Variants in STAMBPL1 observed in about 807,000 individuals in gnomAD.
STAMBPL1 encodes the protein AMSH-like protease.
Under a neutral mutation model 52.9 loss-of-function variants are expected in STAMBPL1, and 44 were observed. The ratio of observed to expected loss-of-function variants is 0.83; its 90% confidence interval spans 0.65 to 1.07. The LOEUF is 1.07. STAMBPL1 is among the 50% of genes least tolerant of loss of function. STAMBPL1 has a pLI of 0.00. For synonymous variants in STAMBPL1, 164 were observed against 177.3 expected (o/e 0.92, Z 0.60); for missense variants, 511 against 520.8 (o/e 0.98, Z 0.18).
At chr10:88,895,158 A>G (rs533052750) in intron 1 of STAMBPL1, among the ~76,000 whole-genome samples, 4 of 152,356 alleles carry the variant, frequency 2.6e-5, no homozygotes, top group African/African-American at 9.6e-5. Flanking sequence ...CTAGGTTGCA[A>G]AATGGCTGCT....
intron 3 of STAMBPL1, 47 bp from the exon 4 acceptor site, chr10:88,908,654 GA>G: frequency 6.8e-7 from 1 of 1,467,230 alleles, no homozygotes; most frequent in Non-Finnish European, 9.4e-7. Flanking sequence ...AAGCATTATT[GA>G]ACTTTTGCTG....
At chr10:88,892,176 A>C (rs1334406168) in intron 1 of STAMBPL1, among the ~76,000 whole-genome samples, 4 of 152,190 alleles carry the variant, frequency 2.6e-5, no homozygotes, top group Non-Finnish European at 4.4e-5. Flanking sequence ...AGTTCAGCTG[A>C]TCAGGGCCAG....
At chr10:88,884,509 T>G (rs1354448010) in intron 1 of STAMBPL1, among the ~76,000 whole-genome samples, 1 of 152,200 alleles carries the variant, frequency 6.6e-6, no homozygotes, top group Non-Finnish European at 1.5e-5. Context: ...CAGTGTCTGA[T>G]GATGACAGCC....
chr10:88,905,564 A>G lies in STAMBPL1; in HGVS notation c.152A>G (p.Tyr51Cys). Reference protein sequence around the residue: ...TISEDITPRRYFRSGVEMERM... With the variant: ...TISEDITPRRCFRSGVEMERM... ...AGTGAAGACATCACTCCACGACGTT[A>G]CTTTAGGTCTGGAGTAGAGATGGAG... Residue 51 changes from tyrosine (Y) to cysteine (C), a missense_variant, in exon 3 of 11, where the codon TAC (tyrosine) becomes TGC (cysteine). Physicochemically the swap from Tyr to Cys is radical, Grantham distance 194. This residue lies in a region of STAMBPL1 where 358 missense variants were observed against 343.5 expected (regional missense o/e 1.04). Transcript: ENST00000371926. The G allele has an allele frequency of 6.2e-7, 1 of 1,614,166 alleles. No individual in the cohort carries two copies. The highest frequency in any genetic ancestry group is 1.1e-5 in the South Asian group (1 of 91,084).
chr10:88,905,288 A>G (rs1354376650), intron 2 of STAMBPL1, among the ~76,000 whole-genome samples, 155 bp from the exon 3 acceptor site: 1 of 152,224 alleles, frequency 6.6e-6, no homozygotes, highest in Non-Finnish European at 1.5e-5. Flanking sequence ...GTTTAAGCAA[A>G]AATGCTTTAC....
At position 88,914,666 on chromosome 10, in the gene STAMBPL1, C is replaced by CT. The variant is rs1845322961; in HGVS notation, c.903+13dup. 3 of 1,164,816 alleles carry CT rather than the reference C, an allele frequency of 2.6e-6. No homozygotes were observed. Among genetic ancestry groups the CT allele is most frequent in the Non-Finnish European group, 3.4e-6 (3 of 886,476 alleles). The allele number at this position is 1,164,816 out of a possible 1,614,324, so 72.2% of individuals were successfully genotyped here. On this transcript the variant is annotated intron_variant, in intron 7 of 10. Transcript: ENST00000371926. ...ATACTCTGTGGAAAACTGGTATGAT[C>CT]TTTTTATATAAATATATATATATAT...
intron 1 of STAMBPL1, among the ~76,000 whole-genome samples, chr10:88,890,957 A>G (rs1653841762): frequency 6.6e-6 from 1 of 152,170 alleles, no homozygotes; most frequent in South Asian, 2.1e-4. Context: ...TGTGTGTTTA[A>G]TAAATATGTA....
intron 9 of STAMBPL1, 135 bp downstream of exon 9, chr10:88,921,530 G>T (rs1845512522): frequency 4.6e-6 from 3 of 647,862 alleles, no homozygotes; most frequent in Non-Finnish European, 8.2e-6. Context: ...ATGGGTAGTA[G>T]TCAGCTGCCA....
intron 2 of STAMBPL1, among the ~76,000 whole-genome samples, chr10:88,903,658 T>G (rs915649384): frequency 6.6e-6 from 1 of 152,254 alleles, no homozygotes; most frequent in Non-Finnish European, 1.5e-5. Context: ...AATGACAATA[T>G]TTTCTTTTGG....
rs17114016 is a variant in STAMBPL1 at position 88,898,958 on chromosome 10, T to C, written c.-53-2698T>C. 9.1e-3 allele frequency among the ~76,000 whole-genome samples: 1,381 copies of C among 152,306 alleles called. 36 individuals carry two copies. In the East Asian group the frequency reaches 0.11, roughly 12 times the overall value. Reference sequence around the variant, plus strand: ...GAAACTAGAGACATGCAGAAGTACATGGCGGCTGCACATCGTTCCCAGGGC... The same window carrying C: ...GAAACTAGAGACATGCAGAAGTACACGGCGGCTGCACATCGTTCCCAGGGC... On this transcript the variant is annotated intron_variant, in intron 1 of 10. Coordinates refer to ENST00000371926, the MANE Select transcript of STAMBPL1 (RefSeq NM_020799.4).
At chr10:88,882,561 G>A (rs1844432886) in intron 1 of STAMBPL1, 1 of 152,210 alleles carries the variant, frequency 6.6e-6, no homozygotes, top group Admixed American at 6.5e-5. Flanking sequence ...AACATGAGAA[G>A]TAGAAGGAAT....
Position 88,905,595 on chromosome 10 carries a change from GGCGTCT to G in STAMBPL1, c.185_190del (p.Ala62_Ser63del). ...GGTCTGGAGTAGAGATGGAGAGGAT[GGCGTCT>G]GTGTATTTGGAAGAAGGAAATTTGG... On this transcript the variant is annotated inframe_deletion, in exon 3 of 11. Coordinates refer to ENST00000371926, the MANE Select transcript of STAMBPL1 (RefSeq NM_020799.4). The G allele has an allele frequency of 6.2e-7, 1 of 1,614,096 alleles. No homozygotes were observed. The highest frequency in any genetic ancestry group is 8.5e-7 in the Non-Finnish European group (1 of 1,180,000).
chr10:88,909,753 A>G (rs1010786317), intron 4 of STAMBPL1, among the ~76,000 whole-genome samples: 2 of 152,136 alleles, frequency 1.3e-5, no homozygotes, highest in Non-Finnish European at 2.9e-5. Context: ...GGCACCTGCC[A>G]CCATGCCCAG....
chr10:88,882,068 G>T (rs934283534), intron 1 of STAMBPL1: 6 of 152,254 alleles, frequency 3.9e-5, no homozygotes, highest in Non-Finnish European at 5.9e-5. Context: ...TACGTTGGCT[G>T]TAATTTATGT....
intron 1 of STAMBPL1, among the ~76,000 whole-genome samples, chr10:88,896,616 A>G (rs1017824623): frequency 6.6e-6 from 1 of 152,178 alleles, no homozygotes; most frequent in South Asian, 2.1e-4. Context: ...TTAACTGCCA[A>G]TGGGCCACAC....
At chr10:88,914,803 T>C in intron 7 of STAMBPL1, 145 bp downstream of exon 7, 1 of 299,442 alleles carries the variant, frequency 3.3e-6, no homozygotes. Flanking sequence ...ACAGATTAAC[T>C]TTATAAAACT....
intron 5 of STAMBPL1, among the ~76,000 whole-genome samples, chr10:88,911,787 C>T (rs952139794): frequency 1.3e-5 from 2 of 152,134 alleles, no homozygotes; most frequent in African/African-American, 4.8e-5. Context: ...AGAGTTTTAA[C>T]GAAGTGGTAG....
At chr10:88,904,378 C>G (rs1413122314) in intron 2 of STAMBPL1, among the ~76,000 whole-genome samples, 1 of 152,174 alleles carries the variant, frequency 6.6e-6, no homozygotes, top group Non-Finnish European at 1.5e-5. Context: ...GTAAGAAACT[C>G]CCAGTTGATG....
Position 88,907,523 on chromosome 10 carries a change from A to G in STAMBPL1, c.249-1179A>G, listed in dbSNP as rs2231779. On this transcript the variant is annotated intron_variant, in intron 3 of 10. Transcript: ENST00000371926. The stretch of plus-strand genomic sequence containing the variant: ...CTGCTCTGATCTTGCATATGTTCCT[A>G]TGGAATTGTGAGCCTGGTGAAAAGG... Among the ~76,000 whole-genome samples, 879 of 152,304 alleles carry G rather than the reference A, an allele frequency of 5.8e-3. 10 individuals are homozygous for G. Among genetic ancestry groups the G allele is most frequent in the African/African-American group, 0.019 (803 of 41,566 alleles).
Sources: allele counts gnomAD v4.1 joint callset (sites outside exome capture counted in the v4.1 genomes callset), GRCh38; gene constraint gnomAD v4.1.1; regional missense constraint gnomAD v4.1.1; transcripts MANE v1.5; gene names NCBI Gene and HGNC (gene_info 2026-07-23, HGNC 2026-07-21).